Variants in PCNX2 observed in about 807,000 individuals in gnomAD.
PCNX2 encodes pecanex 2.
PCNX2 carries 168 observed loss-of-function variants against 223.8 expected under a neutral mutation model. The ratio of observed to expected loss-of-function variants is 0.75; its 90% CI spans 0.66 to 0.85. The LOEUF (loss-of-function observed/expected upper bound fraction) is 0.85. Ranked by LOEUF, PCNX2 falls within the 40% of genes least tolerant of loss-of-function variation. The pLI is 0.00. For missense variants in PCNX2, 2,507 were observed against 2,675.5 expected, an observed-to-expected ratio of 0.94 and a Z score of 1.39; for synonymous variants, 1,006 against 1,052.6, an observed-to-expected ratio of 0.96 and a Z score of 0.86.
rs185840955 is a variant in PCNX2 at position 233,276,315 on chromosome 1, G to A, written c.154-13152C>T. ...GTAGAATGGTGGTTGCCGGGGGCTT[G>A]GGGGAGAGAGAAATGGGGAGTTATT... is the stretch of plus-strand genomic sequence containing the variant. On this transcript the variant is annotated intron_variant, in intron 1 of 33. Transcript: ENST00000258229. 8.7e-4 allele frequency among the ~76,000 whole-genome samples: 133 copies of A among 152,202 alleles called. 1 individual carries two copies. Among genetic ancestry groups the A allele is most frequent in the African/African-American group, 3.0e-3 (125 of 41,528 alleles).
chr1:233,244,117 C>A (rs1658957676), intron 8 of PCNX2, among the ~76,000 whole-genome samples: 1 of 152,210 alleles, frequency 6.6e-6, no homozygotes, highest in African/African-American at 2.4e-5. Context: ...GCATGAGCCA[C>A]CACACCAGGC....
At chr1:233,251,702 T>C (rs990007601) in intron 7 of PCNX2, among the ~76,000 whole-genome samples, 11 of 152,260 alleles carry the variant, frequency 7.2e-5, no homozygotes, top group Non-Finnish European at 2.9e-5. Flanking sequence ...AAAGTAACCA[T>C]ATAATTTATT....
chr1:233,044,535 T>C (rs1671759020), intron 25 of PCNX2, among the ~76,000 whole-genome samples: 1 of 152,216 alleles, frequency 6.6e-6, no homozygotes, highest in African/African-American at 2.4e-5. Context: ...ATGCAAGTAA[T>C]ACTCATGAAC....
At chr1:233,077,999 T>C (rs1673174107) in intron 23 of PCNX2, among the ~76,000 whole-genome samples, 1 of 152,332 alleles carries the variant, frequency 6.6e-6, no homozygotes, top group East Asian at 1.9e-4. Flanking sequence ...ATTCCACTCA[T>C]GAATCAAGAG....
At chr1:233,201,385 T>C (rs1313447197) in intron 13 of PCNX2, 3 of 152,216 alleles carry the variant, frequency 2.0e-5, no homozygotes, top group African/African-American at 7.2e-5. Flanking sequence ...CAAATACTGA[T>C]ATGCTATACG....
At chr1:233,179,598 G>A (rs1679678654) in intron 15 of PCNX2, among the ~76,000 whole-genome samples, 1 of 152,096 alleles carries the variant, frequency 6.6e-6, no homozygotes, top group African/African-American at 2.4e-5. Context: ...ATAGACTAAT[G>A]AACTGAAAAC....
chr1:233,235,957 A>AAAAAAAATATATATATATATATATATAT (rs369886650), intron 9 of PCNX2, among the ~76,000 whole-genome samples: 1 of 93,112 alleles, frequency 1.1e-5, no homozygotes, highest in African/African-American at 3.9e-5. Flanking sequence ...CATAAAAAAA[A>AAAAAAAATATATATATATATATATATAT]ATATATATAT....
rs769355474 is a variant in PCNX2 at position 233,025,136 on chromosome 1, A to AGGC, written c.4605+9_4605+10insGCC. 6.2e-7 allele frequency: 1 copy of AGGC among 1,612,968 alleles called. No individual in the cohort carries two copies. The highest frequency in any genetic ancestry group is 1.3e-5 in the African/African-American group (1 of 74,920). On this transcript the variant is annotated intron_variant, in intron 26 of 33. Coordinates refer to ENST00000258229, the MANE Select transcript of PCNX2 (RefSeq NM_014801.4). ...TTTCTGCCTTAGGTGTTTGGGAAAC[A>AGGC]GAGCAATACCTTGATGTAGTAGCGG...
At chr1:233,122,201 C>T (rs947897512) in intron 21 of PCNX2, among the ~76,000 whole-genome samples, 25 of 151,020 alleles carry the variant, frequency 1.7e-4, no homozygotes, top group Non-Finnish European at 2.8e-4. Flanking sequence ...TTGAAAAAAT[C>T]GAGGAAACAA....
chr1:233,018,565 T>A (rs777669632), intron 26 of PCNX2, among the ~76,000 whole-genome samples: 2 of 152,106 alleles, frequency 1.3e-5, no homozygotes, highest in African/African-American at 4.8e-5. Flanking sequence ...AATTCCTCCA[T>A]CAAAAAGGCT....
intron 9 of PCNX2, among the ~76,000 whole-genome samples, chr1:233,235,881 C>T (rs891303763): frequency 1.5e-4 from 22 of 147,460 alleles, no homozygotes; most frequent in East Asian, 6.0e-4. Context: ...GGATTACAGG[C>T]GTGAGCCACT....
At chr1:233,098,078 A>C (rs953168780) in intron 21 of PCNX2, among the ~76,000 whole-genome samples, 2 of 152,202 alleles carry the variant, frequency 1.3e-5, no homozygotes, top group Non-Finnish European at 2.9e-5. Context: ...CTTGTGACTC[A>C]TGTCTAGGTG....
chr1:233,114,791 A>G (rs1251604555), intron 21 of PCNX2, among the ~76,000 whole-genome samples: 1 of 152,008 alleles, frequency 6.6e-6, no homozygotes, highest in African/African-American at 2.4e-5. Context: ...TTAAATGATA[A>G]TTTTCATGAA....
At chr1:233,132,495 C>T (rs965829313) in intron 21 of PCNX2, among the ~76,000 whole-genome samples, 3 of 152,158 alleles carry the variant, frequency 2.0e-5, no homozygotes, top group Admixed American at 1.3e-4. Flanking sequence ...AAATGAAAGC[C>T]ACTCTTCTTA....
At chr1:233,161,206 C>T (rs1171998830) in intron 18 of PCNX2, 65 bp downstream of exon 18, 1 of 1,446,638 alleles carries the variant, frequency 6.9e-7, no homozygotes, top group Non-Finnish European at 9.6e-7. Context: ...CCTGTAGCTC[C>T]ATGACAGCTT....
Position 233,021,143 on chromosome 1 carries a change from C to G in PCNX2, c.4606-3989G>C, listed in dbSNP as rs145074933. On this transcript the variant is annotated intron_variant, in intron 26 of 33. Transcript: ENST00000258229. ...CTGCACTGGGGAATGAGTGCAGGTT[C>G]CAAGCCACCCCTTGCTGAAGGGCAG... 2.5e-4 allele frequency among the ~76,000 whole-genome samples: 38 copies of G among 152,162 alleles called. No homozygotes were observed. The East Asian group carries it at 7.4e-3, about 30-fold the overall frequency.
intron 25 of PCNX2, among the ~76,000 whole-genome samples, chr1:233,037,210 C>T (rs1204119459): frequency 3.9e-5 from 6 of 152,194 alleles, no homozygotes; most frequent in East Asian, 1.9e-4. Flanking sequence ...ACCAAAACAA[C>T]GAATAGGATC....
chr1:233,016,941 A>G lies in PCNX2; in HGVS notation c.4819T>C (p.Cys1607Arg), dbSNP rs759980974. 1.9e-6 allele frequency: 3 copies of G among 1,605,442 alleles called. No individual in the cohort carries two copies. In the East Asian group the frequency reaches 6.7e-5, roughly 36 times the overall value. ...CNVYLEWIQH[C>R]ARKRQEPSTT... is the part of the protein sequence containing the mutation. ...CCTACCTCTTGTCTTTTCCGTGCAC[A>G]GTGTTGAATCCATTCTAGATAAACA... The change falls in exon 27 of 34, where the codon TGT becomes CGT. Residue 1607 changes from cysteine (C) to arginine (R), a missense_variant. By Grantham distance (180) the Cys-to-Arg change is radical (BLOSUM62 -3). This residue lies in a region of PCNX2 where 1,372 missense variants were observed against 1,509.4 expected (regional missense o/e 0.91). Coordinates refer to ENST00000258229, the MANE Select transcript of PCNX2 (RefSeq NM_014801.4).
At chr1:233,280,185 T>A (rs1661118781) in intron 1 of PCNX2, among the ~76,000 whole-genome samples, 1 of 152,320 alleles carries the variant, frequency 6.6e-6, no homozygotes, top group South Asian at 2.1e-4. Context: ...TCTCAATGGA[T>A]ACCTGTTTCT....
Sources: allele counts gnomAD v4.1 joint callset (sites outside exome capture counted in the v4.1 genomes callset), GRCh38; gene constraint gnomAD v4.1.1; regional missense constraint gnomAD v4.1.1; transcripts MANE v1.5; gene names NCBI Gene and HGNC (gene_info 2026-07-23, HGNC 2026-07-21).